Variants in RPL23 observed in about 807,000 individuals in gnomAD.
RPL23 encodes large ribosomal subunit protein uL14.
For missense variants in RPL23, 79 were observed against 178.8 expected (o/e 0.44, Z 3.18); for synonymous variants, 63 against 65.3 (o/e 0.97, Z 0.17).
In RPL23 at chr17:38,853,615, G is replaced by A. The variant is rs367631836; in HGVS notation, c.13+83C>T. ...GCCTGAAGGAGAGCAAAGCGCCCCA[G>A]CTGCCTAGGGCCACCGCTCCTGACG... On this transcript the variant is annotated intron_variant, in intron 1 of 4. Coordinates refer to ENST00000479035, the MANE Select transcript of RPL23 (RefSeq NM_000978.4). 70 of 1,566,020 alleles carry A rather than the reference G, an allele frequency of 4.5e-5. No individual in the cohort carries two copies. The African/African-American group carries it at 5.0e-4, about 11-fold the overall frequency.
rs1479216664 is a variant in RPL23 at position 38,850,477 on chromosome 17, TGAGAG to T, written c.227-7_227-3del. ...GTCGAATGACCACTGCTGGATGTACTGAGAGAAGAAAAAAGGACAGCAGTCATTAA... is the reference window on the plus strand; with the variant it reads ...GTCGAATGACCACTGCTGGATGTACTAAGAAAAAAGGACAGCAGTCATTAA... On this transcript the variant is annotated splice_region_variant and splice_polypyrimidine_tract_variant and intron_variant, in intron 3 of 4. Transcript: ENST00000479035. The T allele has an allele frequency of 1.2e-6, 2 of 1,607,522 alleles. No individual in the cohort carries two copies. The highest frequency in any genetic ancestry group is 2.7e-5 in the African/African-American group (2 of 74,742).
At position 38,848,892 on chromosome 17, in the gene RPL23, A is replaced by G. The variant is rs1912925433; in HGVS notation, c.*1240T>C. ...AAACCTTAATCTAAAAACCCTGTTT[A>G]GTCCACTTCCCTCCAAATTATTGTT... On this transcript the variant is annotated 3_prime_UTR_variant, in exon 5 of 5. Coordinates refer to ENST00000479035, the MANE Select transcript of RPL23 (RefSeq NM_000978.4). 1 of 152,142 alleles carries G rather than the reference A, an allele frequency of 6.6e-6. No homozygotes were observed. The highest frequency in any genetic ancestry group is 6.6e-5 in the Admixed American group (1 of 15,262). The allele number at this position is 152,142 out of a possible 1,614,324, so 9.4% of individuals were successfully genotyped here. A position where few individuals can be genotyped will look rare whatever the true frequency, so the allele number is the denominator to read the frequency against.
intron 3 of RPL23, chr17:38,851,665 G>A (rs567857421): frequency 1.3e-5 from 2 of 152,168 alleles, no homozygotes; most frequent in Non-Finnish European, 2.9e-5. Context: ...AGAGGAAAAA[G>A]CCCATGCAAT....
chr17:38,852,251 C>G (rs1913021872), intron 3 of RPL23: 1 of 196,768 alleles, frequency 5.1e-6, no homozygotes, highest in African/African-American at 2.4e-5. Flanking sequence ...CAACGGGCAG[C>G]TTGTTTTCGT....
intron 3 of RPL23, chr17:38,851,652 A>G (rs1300827933): frequency 2.6e-5 from 4 of 152,176 alleles, no homozygotes; most frequent in Non-Finnish European, 5.9e-5. Context: ...AAGTGTTCTG[A>G]GAAGAGGAAA....
rs1389007014 is a variant in RPL23, at chr17:38,850,153, G to T, written c.402C>A (p.Ser134=). ...AGAATCATGCAATGCTGCCAGCATT[G>T]GATGCAATCCGGGGCCACAAGTCTG... ...ECADLWPRIA[S]NAGSIA Residue 134 remains serine, a synonymous_variant, in exon 5 of 5, where the codon TCC becomes TCA. Coordinates refer to ENST00000479035, the MANE Select transcript of RPL23 (RefSeq NM_000978.4). 1.9e-6 allele frequency: 3 copies of T among 1,603,648 alleles called. No homozygotes were observed. The highest frequency in any genetic ancestry group is 2.7e-5 in the African/African-American group (2 of 74,062).
Position 38,849,983 on chromosome 17 carries a change from C to A in RPL23, c.*149G>T. On this transcript the variant is annotated 3_prime_UTR_variant, in exon 5 of 5. Coordinates refer to ENST00000479035, the MANE Select transcript of RPL23 (RefSeq NM_000978.4). ...AAATACAAAAACTAGCCAGGCATGA[C>A]GGCAGGTGCCTGTAATCCCAGCTAC... is the stretch of plus-strand genomic sequence containing the variant. 1 of 576,636 alleles carries A rather than the reference C, an allele frequency of 1.7e-6. No individual in the cohort carries two copies. 35.7% of individuals were successfully genotyped at this position (576,636 alleles called of 1,614,324 possible). A position where few individuals can be genotyped will look rare whatever the true frequency, so the allele number is the denominator to read the frequency against.
intron 3 of RPL23, chr17:38,852,212 T>C: frequency 5.1e-6 from 1 of 197,304 alleles, no homozygotes; most frequent in Non-Finnish European, 1.1e-5. Context: ...CAAGTGAGAC[T>C]CCATCTCAAA....
rs776391109 is a variant in RPL23 at position 38,849,124 on chromosome 17, C to G, written c.*1008G>C. On this transcript the variant is annotated 3_prime_UTR_variant, in exon 5 of 5. Transcript: ENST00000479035. ...TAAATTACACGATCATCCTGTTTGT[C>G]AAAACATTTTCATAGCAAAATACCT... The G allele has an allele frequency of 2.0e-5, 3 of 152,158 alleles. No homozygotes were observed. The highest frequency in any genetic ancestry group is 4.4e-5 in the Non-Finnish European group (3 of 68,034). 9.4% of individuals were successfully genotyped at this position (152,158 alleles called of 1,614,324 possible).
Position 38,850,841 on chromosome 17 carries a change from G to T in RPL23, c.227-366C>A, listed in dbSNP as rs117362774. ...TAAAACTCTCAGGACAACTATCCTT[G>T]CCTATGCCTTTTCCAACTTCACCTT... On this transcript the variant is annotated intron_variant, in intron 3 of 4. Transcript: ENST00000479035. 803 of 164,142 alleles carry T rather than the reference G, an allele frequency of 4.9e-3. 3 individuals carry two copies. The highest frequency in any genetic ancestry group is 8.1e-3 in the Non-Finnish European group (618 of 75,860). The allele number at this position is 164,142 out of a possible 1,614,324, so 10.2% of individuals were successfully genotyped here.
At chr17:38,852,505 AAAAC>A (rs1473249302) in intron 3 of RPL23, 95 bp downstream of exon 3, 1 of 1,492,008 alleles carries the variant, frequency 6.7e-7, no homozygotes, top group African/African-American at 1.4e-5. Context: ...CTCTCAATGG[AAAAC>A]AAACTTGAGG....
chr17:38,852,590 C>G lies in RPL23; in HGVS notation c.226+14G>C. Reference sequence around the variant, plus strand: ...CTACTCATCAGTATTAAGGTGGGCTCAGTGTTTACTCACCCTTTTTTCTGA... The same window carrying G: ...CTACTCATCAGTATTAAGGTGGGCTGAGTGTTTACTCACCCTTTTTTCTGA... On this transcript the variant is annotated intron_variant, in intron 3 of 4. Transcript: ENST00000479035. 6.2e-7 allele frequency: 1 copy of G among 1,612,138 alleles called. No individual in the cohort carries two copies. The highest frequency in any genetic ancestry group is 8.5e-7 in the Non-Finnish European group (1 of 1,179,988).
At chr17:38,851,161 TATTGTAGAGTCA>T (rs1258102610) in intron 3 of RPL23, 1 of 152,246 alleles carries the variant, frequency 6.6e-6, no homozygotes, top group Non-Finnish European at 1.5e-5. Context: ...TGTGAAGAAC[TATTGTAGAGTCA>T]GACACACCTG....
In RPL23 at chr17:38,848,100, G is replaced by C; in HGVS notation, c.*2032C>G. On this transcript the variant is annotated 3_prime_UTR_variant, in exon 5 of 5. Transcript: ENST00000479035. The stretch of plus-strand genomic sequence containing the variant: ...ACATTCAAAAACAGCAGCGATTAGT[G>C]GTTAATATATAAGGATCATATATTG... 1 of 1,514,306 alleles carries C rather than the reference G, an allele frequency of 6.6e-7. No homozygotes were observed. The highest frequency in any genetic ancestry group is 1.4e-5 in the African/African-American group (1 of 71,926). The allele number at this position is 1,514,306 out of a possible 1,614,324, so 93.8% of individuals were successfully genotyped here.
chr17:38,850,027 A>G lies in RPL23; in HGVS notation c.*105T>C. ...CAGCTACTTAGGAGGCTGAGGCAGG[A>G]GAATCGCTTGAACCCTGGAAGTGAA... On this transcript the variant is annotated 3_prime_UTR_variant, in exon 5 of 5. Coordinates refer to ENST00000479035, the MANE Select transcript of RPL23 (RefSeq NM_000978.4). 2 of 777,472 alleles carry G rather than the reference A, an allele frequency of 2.6e-6. No homozygotes were observed. The highest frequency in any genetic ancestry group is 4.0e-6 in the Non-Finnish European group (2 of 497,658). The allele number at this position is 777,472 out of a possible 1,614,324, so 48.2% of individuals were successfully genotyped here.
intron 1 of RPL23, 173 bp from the exon 2 acceptor site, chr17:38,853,278 C>A (rs1913058608): frequency 3.0e-6 from 2 of 657,506 alleles, no homozygotes; most frequent in Admixed American, 2.4e-5. Flanking sequence ...ACCCGATTCT[C>A]ACGGAAAGTA....
At chr17:38,852,275 T>A in intron 3 of RPL23, 1 of 215,898 alleles carries the variant, frequency 4.6e-6, no homozygotes, top group Non-Finnish European at 9.3e-6. Context: ...GTAATATATT[T>A]TTTTTTGAGA....
In RPL23 at chr17:38,852,580, AAGGTGGGCTC is replaced by A; in HGVS notation, c.226+14_226+23del. The A allele has an allele frequency of 6.2e-7, 1 of 1,612,034 alleles. No individual in the cohort carries two copies. On this transcript the variant is annotated intron_variant, in intron 3 of 4. Coordinates refer to ENST00000479035, the MANE Select transcript of RPL23 (RefSeq NM_000978.4). ...CGTCCCCCCACTACTCATCAGTATTAAGGTGGGCTCAGTGTTTACTCACCCTTTTTTCTGA... is the reference window on the plus strand; with the variant it reads ...CGTCCCCCCACTACTCATCAGTATTAAGTGTTTACTCACCCTTTTTTCTGA...
rs1470688734 is a variant in RPL23, at chr17:38,849,658, A to C, written c.*474T>G. 2.0e-5 allele frequency: 3 copies of C among 153,220 alleles called. No individual in the cohort carries two copies. Among genetic ancestry groups the C allele is most frequent in the African/African-American group, 7.2e-5 (3 of 41,460 alleles). The allele number at this position is 153,220 out of a possible 1,614,324, so 9.5% of individuals were successfully genotyped here. On this transcript the variant is annotated 3_prime_UTR_variant, in exon 5 of 5. Transcript: ENST00000479035. The stretch of plus-strand genomic sequence containing the variant: ...GCCATTTGAATGCCTTCCTCACTCC[A>C]GGAGAAGCTACCATGTATAGCCAGT...
Sources: allele counts gnomAD v4.1 joint callset, GRCh38; gene constraint gnomAD v4.1.1; transcripts MANE v1.5; gene names NCBI Gene and HGNC (gene_info 2026-07-23, HGNC 2026-07-21).